The following ARPP21 variants were observed in gnomAD, a reference collection of about 807,000 sequenced individuals.
ARPP21 encodes the protein cAMP-regulated phosphoprotein 21.
A neutral mutation model predicts 113.2 loss-of-function variants in ARPP21; 69 were observed. That is an observed-to-expected ratio of 0.61 (90% CI 0.50 to 0.74). The LOEUF (loss-of-function observed/expected upper bound fraction) is 0.74, where lower values mean the gene tolerates loss of function less well. Among genes scored for constraint, ARPP21 ranks in the 30% least tolerant of loss-of-function variants. The pLI is 0.00. For synonymous variants in ARPP21, 368 were observed against 375.5 expected, an observed-to-expected ratio of 0.98 and a Z score of 0.23; for missense variants, 1,070 against 1,037.4, an observed-to-expected ratio of 1.03 and a Z score of -0.43.
intron 18 of ARPP21, 125 bp from the exon 19 acceptor site, chr3:35,743,714 G>C (rs11712442): frequency 0.15 from 143,257 of 931,978 alleles, 12,404 homozygotes; most frequent in Non-Finnish European, 0.18. Flanking sequence ...ACATAGGCAT[G>C]GGAGAAGTTT....
intron 5 of ARPP21, chr3:35,684,662 G>A: frequency 2.0e-6 from 2 of 985,310 alleles, no homozygotes; most frequent in Non-Finnish European, 2.4e-6. Flanking sequence ...CATTATTTTT[G>A]TTTGGTTTGG....
chr3:35,690,148 A>C lies in ARPP21; in HGVS notation c.545+8A>C. On this transcript the variant is annotated splice_region_variant and intron_variant, in intron 8 of 20. Transcript: ENST00000684406. ...TTTCATTGCTGACAACAAGTATGTT[A>C]AACTTCAATGCTGGTTAATTTGATC... 7.4e-7 allele frequency: 1 copy of C among 1,355,110 alleles called. No individual in the cohort carries two copies. Among genetic ancestry groups the C allele is most frequent in the African/African-American group, 1.4e-5 (1 of 69,988 alleles). The allele number at this position is 1,355,110 out of a possible 1,614,324, so 83.9% of individuals were successfully genotyped here.
Position 35,773,691 on chromosome 3 carries a change from T to C in ARPP21, c.2138-18691T>C, listed in dbSNP as rs151262854. Reference sequence around the variant, plus strand: ...ATAATGCCAGGCCACTAAGGAGTTATAGTTCATGAAATTTCATCATGTAAG... The same window carrying C: ...ATAATGCCAGGCCACTAAGGAGTTACAGTTCATGAAATTTCATCATGTAAG... On this transcript the variant is annotated intron_variant, in intron 19 of 20. Coordinates refer to ENST00000684406, the MANE Select transcript of ARPP21 (RefSeq NM_001385562.1). Among the ~76,000 whole-genome samples the C allele has an allele frequency of 3.3e-3, 505 of 152,310 alleles. 1 individual carries two copies. Among genetic ancestry groups the C allele is most frequent in the African/African-American group, 0.012 (487 of 41,572 alleles).
chr3:35,769,970 G>A (rs1038460199), intron 19 of ARPP21, among the ~76,000 whole-genome samples: 8 of 152,104 alleles, frequency 5.3e-5, no homozygotes, highest in South Asian at 4.1e-4. Flanking sequence ...AGTATGTAGC[G>A]ACGAAGAAGT....
intron 19 of ARPP21, among the ~76,000 whole-genome samples, chr3:35,769,508 C>T (rs1245789125): frequency 6.6e-6 from 1 of 152,178 alleles, no homozygotes; most frequent in African/African-American, 2.4e-5. Context: ...GACTCCTTGA[C>T]ACAGCCCCGC....
chr3:35,719,546 C>T (rs74936769), intron 13 of ARPP21, among the ~76,000 whole-genome samples: 3,456 of 152,230 alleles, frequency 0.023, 46 homozygotes, highest in Middle Eastern at 0.051. Flanking sequence ...CACTAAATTG[C>T]ACCCAGAAAT....
intron 1 of ARPP21, among the ~76,000 whole-genome samples, chr3:35,653,652 C>T (rs576377382): frequency 6.6e-6 from 1 of 152,154 alleles, no homozygotes; most frequent in East Asian, 1.9e-4. Flanking sequence ...CCATCTCTGC[C>T]TCTTACTCAC....
At chr3:35,667,382 C>T (rs1009454531) in intron 1 of ARPP21, among the ~76,000 whole-genome samples, 38 of 152,142 alleles carry the variant, frequency 2.5e-4, no homozygotes, top group East Asian at 1.9e-4. Flanking sequence ...ATTGTGATTA[C>T]GTGTCATAAT....
intron 14 of ARPP21, among the ~76,000 whole-genome samples, chr3:35,725,174 T>A (rs1167860011): frequency 6.6e-6 from 1 of 152,092 alleles, no homozygotes; most frequent in African/African-American, 2.4e-5. Flanking sequence ...GCTTGCTAAT[T>A]GGTGCTGTGG....
intron 9 of ARPP21, 39 bp from the exon 10 acceptor site, chr3:35,706,935 G>A (rs2149991712): frequency 6.6e-7 from 1 of 1,519,688 alleles, no homozygotes; most frequent in Non-Finnish European, 9.0e-7. Context: ...AAACAAGGGG[G>A]AAAAACTTTT....
chr3:35,666,716 G>A (rs887545907), intron 1 of ARPP21, among the ~76,000 whole-genome samples: 3 of 151,964 alleles, frequency 2.0e-5, no homozygotes, highest in African/African-American at 7.3e-5. Context: ...GATTAAATGG[G>A]TAATTATATT....
chr3:35,747,359 TAAA>T (rs34264524), intron 19 of ARPP21, among the ~76,000 whole-genome samples: 7 of 108,886 alleles, frequency 6.4e-5, no homozygotes, highest in African/African-American at 1.4e-4. Flanking sequence ...AGACTCCATC[TAAA>T]AAAAAAAAAA....
chr3:35,701,778 G>C (rs552877169), intron 9 of ARPP21, among the ~76,000 whole-genome samples: 2 of 151,282 alleles, frequency 1.3e-5, no homozygotes, highest in South Asian at 4.2e-4. Context: ...AGGAGTGGTT[G>C]ACATATACTA....
intron 13 of ARPP21, among the ~76,000 whole-genome samples, chr3:35,718,247 A>G (rs1395833598): frequency 6.6e-6 from 1 of 152,168 alleles, no homozygotes. Context: ...TTACACTTTG[A>G]TTGAAACAAA....
At chr3:35,721,099 A>G (rs1023170995) in intron 13 of ARPP21, among the ~76,000 whole-genome samples, 9 of 152,236 alleles carry the variant, frequency 5.9e-5, no homozygotes, top group African/African-American at 2.2e-4. Context: ...TGTGTATCTC[A>G]TAAAGCTGGA....
intron 14 of ARPP21, among the ~76,000 whole-genome samples, chr3:35,726,745 C>G (rs1277484709): frequency 6.6e-6 from 1 of 152,248 alleles, no homozygotes; most frequent in Non-Finnish European, 1.5e-5. Flanking sequence ...CATGCCATCA[C>G]TGGCTTATAG....
intron 1 of ARPP21, among the ~76,000 whole-genome samples, chr3:35,663,903 G>A (rs1179125814): frequency 6.6e-6 from 1 of 152,178 alleles, no homozygotes; most frequent in African/African-American, 2.4e-5. Flanking sequence ...CAAAAAAGGT[G>A]CAGGGCATTT....
intron 1 of ARPP21, among the ~76,000 whole-genome samples, chr3:35,644,408 T>C (rs891422436): frequency 4.6e-5 from 7 of 152,000 alleles, no homozygotes; most frequent in Non-Finnish European, 8.8e-5. Context: ...ATTTAAATTA[T>C]ATACATAATA....
At chr3:35,744,644 A>C (rs1054475736) in intron 19 of ARPP21, 28 of 360,748 alleles carry the variant, frequency 7.8e-5, no homozygotes, top group Non-Finnish European at 1.4e-4. Flanking sequence ...GGTTTGTGTC[A>C]TTCCTGCTGA....
Sources: gnomAD v4.1 joint callset for allele counts (sites outside exome capture counted in the v4.1 genomes callset) on GRCh38, gnomAD v4.1.1 for gene constraint, MANE v1.5 for transcripts, NCBI Gene and HGNC (gene_info 2026-07-23, HGNC 2026-07-21) for gene names.